The following HEPHL1 variants were observed in gnomAD, a reference collection of about 807,000 sequenced individuals.
HEPHL1 encodes ferroxidase HEPHL1.
In HEPHL1, 123 loss-of-function variants were observed where a neutral mutation model predicts 122.0. The observed-to-expected ratio is 1.01, with a 90% confidence interval of 0.87 to 1.17. The LOEUF is 1.17. Ranked by LOEUF, HEPHL1 falls within the 50% of genes most tolerant of loss-of-function variation. The pLI, the probability that HEPHL1 is intolerant of heterozygous loss-of-function variation, is 0.00. For synonymous variants in HEPHL1, 527 were observed against 508.9 expected (o/e 1.04, Z -0.48); for missense variants, 1,452 against 1,430.5 (o/e 1.01, Z -0.24).
chr11:94,045,667 T>C lies in HEPHL1; in HGVS notation c.171-6T>C. The C allele has an allele frequency of 6.3e-7, 1 of 1,589,564 alleles. No homozygotes were observed. The highest frequency in any genetic ancestry group is 8.6e-7 in the Non-Finnish European group (1 of 1,167,434). ...CAATTAAAAATGTTTTTCTTCTTAC[T>C]TTTAGACTTGCAACCTTATTTCTCG... is the stretch of plus-strand genomic sequence containing the variant. On this transcript the variant is annotated splice_polypyrimidine_tract_variant and splice_region_variant and intron_variant, in intron 1 of 19. Coordinates refer to ENST00000315765, the MANE Select transcript of HEPHL1 (RefSeq NM_001098672.2).
intron 1 of HEPHL1, among the ~76,000 whole-genome samples, chr11:94,028,295 T>C (rs1945644143): frequency 6.6e-6 from 1 of 152,146 alleles, no homozygotes; most frequent in Admixed American, 6.6e-5. Flanking sequence ...CCAGACATAG[T>C]AGATGATCAG....
At chr11:94,037,168 A>C (rs1309894739) in intron 1 of HEPHL1, among the ~76,000 whole-genome samples, 2 of 152,186 alleles carry the variant, frequency 1.3e-5, no homozygotes, top group African/African-American at 4.8e-5. Context: ...GACCGGCTTA[A>C]AAAACGGCGC....
chr11:94,053,261 A>G (rs911294013), intron 2 of HEPHL1, among the ~76,000 whole-genome samples: 2 of 152,032 alleles, frequency 1.3e-5, no homozygotes, highest in African/African-American at 4.8e-5. Context: ...AAAGTTGCCT[A>G]TAATATTTCC....
At chr11:94,097,011 T>C (rs1393229899) in intron 13 of HEPHL1, among the ~76,000 whole-genome samples, 2 of 152,234 alleles carry the variant, frequency 1.3e-5, no homozygotes, top group African/African-American at 4.8e-5. Context: ...TTTGTGTCTC[T>C]CTCTCCTTCA....
chr11:94,093,788 C>T, intron 13 of HEPHL1, 148 bp downstream of exon 13: 1 of 916,502 alleles, frequency 1.1e-6, no homozygotes, highest in Non-Finnish European at 1.6e-6. Flanking sequence ...TCTTCCTGCT[C>T]TACCATTATC....
intron 1 of HEPHL1, among the ~76,000 whole-genome samples, chr11:94,026,560 TAGC>T (rs1945627345): frequency 6.6e-6 from 1 of 152,210 alleles, no homozygotes; most frequent in African/African-American, 2.4e-5. Context: ...AAGGCCTGGT[TAGC>T]AGGATCTGAA....
At chr11:94,099,559 C>A (rs1225751201) in intron 13 of HEPHL1, among the ~76,000 whole-genome samples, 3 of 152,200 alleles carry the variant, frequency 2.0e-5, no homozygotes, top group Admixed American at 2.0e-4. Flanking sequence ...GGGACATTTA[C>A]GTCTGCAGAG....
At chr11:94,065,117 G>A (rs1053290672) in intron 4 of HEPHL1, among the ~76,000 whole-genome samples, 1 of 152,176 alleles carries the variant, frequency 6.6e-6, no homozygotes, top group Non-Finnish European at 1.5e-5. Flanking sequence ...ACTTACTCAT[G>A]CCTGTTTTGC....
At chr11:94,105,834 G>A (rs1946403794) in intron 16 of HEPHL1, among the ~76,000 whole-genome samples, 157 bp from the exon 17 acceptor site, 1 of 152,018 alleles carries the variant, frequency 6.6e-6, no homozygotes, top group Non-Finnish European at 1.5e-5. Context: ...CTGAATTTTG[G>A]GTCTAGAATG....
At position 94,109,132 on chromosome 11, in the gene HEPHL1, T is replaced by C. The variant is rs138861728; in HGVS notation, c.3046-1771T>C. On this transcript the variant is annotated intron_variant, in intron 17 of 19. Coordinates refer to ENST00000315765, the MANE Select transcript of HEPHL1 (RefSeq NM_001098672.2). The stretch of plus-strand genomic sequence containing the variant: ...TAAAAGGCTTTGGTAATAGTGTAAA[T>C]GATAGTGTTTTTATTTTGATTTATA... Among the ~76,000 whole-genome samples the C allele has an allele frequency of 3.0e-4, 46 of 152,280 alleles. No individual in the cohort carries two copies. In the East Asian group the frequency reaches 8.7e-3, roughly 29 times the overall value.
intron 1 of HEPHL1, among the ~76,000 whole-genome samples, chr11:94,038,342 A>G (rs985030160): frequency 2.9e-5 from 4 of 138,304 alleles, no homozygotes; most frequent in African/African-American, 1.1e-4. Flanking sequence ...AAGGCAGGCC[A>G]ACGTTCAGAT....
chr11:94,035,335 T>C (rs576690347), intron 1 of HEPHL1, among the ~76,000 whole-genome samples: 93 of 152,320 alleles, frequency 6.1e-4, no homozygotes, highest in African/African-American at 2.2e-3. Context: ...AGATTGTACC[T>C]TTTTTATTAT....
At position 94,111,991 on chromosome 11, in the gene HEPHL1, A is replaced by C. The variant is rs1946454301; in HGVS notation, c.*97A>C. 1 of 803,686 alleles carries C rather than the reference A, an allele frequency of 1.2e-6. No homozygotes were observed. The highest frequency in any genetic ancestry group is 1.7e-5 in the African/African-American group (1 of 58,062). The allele number at this position is 803,686 out of a possible 1,614,324, so 49.8% of individuals were successfully genotyped here. On this transcript the variant is annotated 3_prime_UTR_variant, in exon 20 of 20. Coordinates refer to ENST00000315765, the MANE Select transcript of HEPHL1 (RefSeq NM_001098672.2). ...GGACCAAGGCATCACTCACCAAGGA[A>C]GGTTGACACTGTATCCTGGATCAGC...
rs1946278849 is a variant in HEPHL1 at position 94,093,501 on chromosome 11, A to G, written c.2295A>G (p.Arg765=). Residue 765 remains arginine (R), a splice_region_variant and synonymous_variant, in exon 13 of 20, where the codon AGA becomes AGG. Coordinates refer to ENST00000315765, the MANE Select transcript of HEPHL1 (RefSeq NM_001098672.2). The stretch of plus-strand genomic sequence containing the variant: ...AATTTCTGATGCTTCTGATTTGCAG[A>G]CATGGAGATATATTTATGAACCGCA... ...EKQHVDARGE[R]HGDIFMNRTE... The G allele has an allele frequency of 6.2e-7, 1 of 1,613,144 alleles. No homozygotes were observed. Among genetic ancestry groups the G allele is most frequent in the South Asian group, 1.1e-5 (1 of 90,920 alleles).
chr11:94,043,293 T>C (rs1369091983), intron 1 of HEPHL1, among the ~76,000 whole-genome samples: 1 of 152,028 alleles, frequency 6.6e-6, no homozygotes, highest in African/African-American at 2.4e-5. Flanking sequence ...CCTCCTGTGG[T>C]TACCTGAAGC....
At chr11:94,087,854 C>T (rs1050785723) in intron 11 of HEPHL1, among the ~76,000 whole-genome samples, 4 of 151,972 alleles carry the variant, frequency 2.6e-5, no homozygotes, top group South Asian at 2.1e-4. Flanking sequence ...AGTAACTAGG[C>T]GATGTTTAGA....
intron 6 of HEPHL1, among the ~76,000 whole-genome samples, chr11:94,071,622 G>A (rs1284225320): frequency 1.3e-5 from 2 of 152,222 alleles, no homozygotes; most frequent in East Asian, 3.9e-4. Context: ...ATGACATGAG[G>A]GATGCAAGGA....
intron 2 of HEPHL1, among the ~76,000 whole-genome samples, chr11:94,058,137 A>T (rs535330223): frequency 6.6e-6 from 1 of 152,286 alleles, no homozygotes; most frequent in South Asian, 2.1e-4. Context: ...TGAGCCAATA[A>T]ATCTTATATT....
At chr11:94,034,871 A>G (rs1000880635) in intron 1 of HEPHL1, among the ~76,000 whole-genome samples, 2 of 152,174 alleles carry the variant, frequency 1.3e-5, no homozygotes, top group Non-Finnish European at 1.5e-5. Context: ...GTGGAAGGTA[A>G]GGAAGGGGCT....
Sources: gnomAD v4.1 joint callset for allele counts (sites outside exome capture counted in the v4.1 genomes callset) on GRCh38, gnomAD v4.1.1 for gene constraint, MANE v1.5 for transcripts, NCBI Gene and HGNC (gene_info 2026-07-23, HGNC 2026-07-21) for gene names.